Variants in SLC39A12 observed in about 807,000 individuals in gnomAD.
SLC39A12 encodes solute carrier family 39 member 12, also known as zinc transporter ZIP12.
A neutral mutation model predicts 71.1 loss-of-function variants in SLC39A12; 63 were observed. That is an observed-to-expected ratio of 0.89 (90% CI 0.72 to 1.09). The LOEUF (loss-of-function observed/expected upper bound fraction) is 1.09, where lower values mean the gene tolerates loss of function less well. Among genes scored for constraint, SLC39A12 ranks in the 50% least tolerant of loss-of-function variants. SLC39A12 has a pLI of 0.00. For missense variants in SLC39A12, 892 were observed against 812.6 expected (o/e 1.10, Z -1.19); for synonymous variants, 351 against 301.3 (o/e 1.16, Z -1.71).
chr10:18,040,769 C>CAAAAAAA (rs34842202), intron 12 of SLC39A12, among the ~76,000 whole-genome samples: 1 of 94,692 alleles, frequency 1.1e-5, no homozygotes, highest in African/African-American at 3.8e-5. Context: ...AACTCCATCT[C>CAAAAAAA]AAAAAAAAAA....
chr10:17,974,568 T>G (rs1163381740), intron 4 of SLC39A12, among the ~76,000 whole-genome samples: 1 of 152,222 alleles, frequency 6.6e-6, no homozygotes, highest in Non-Finnish European at 1.5e-5. Flanking sequence ...GGAGAATTCT[T>G]TGGATTACCA....
At chr10:18,029,651 T>TC (rs991253135) in intron 12 of SLC39A12, among the ~76,000 whole-genome samples, 3 of 152,124 alleles carry the variant, frequency 2.0e-5, no homozygotes, top group African/African-American at 4.8e-5. Context: ...GTTCATCATT[T>TC]CCCCTCCTCT....
At chr10:17,981,784 C>T (rs982859960) in intron 6 of SLC39A12, among the ~76,000 whole-genome samples, 3 of 152,148 alleles carry the variant, frequency 2.0e-5, no homozygotes, top group Admixed American at 6.5e-5. Context: ...ACGATACATA[C>T]TACTCTTCAA....
intron 4 of SLC39A12, among the ~76,000 whole-genome samples, chr10:17,967,612 G>C (rs1008360403): frequency 2.0e-5 from 3 of 151,918 alleles, no homozygotes; most frequent in Non-Finnish European, 4.4e-5. Flanking sequence ...GGCCGGGCGC[G>C]GTGGCTCACG....
rs1837160513 is a variant in SLC39A12 at position 18,039,548 on chromosome 10, C to G, written c.1948-3157C>G. Among the ~76,000 whole-genome samples, 3 of 152,174 alleles carry G rather than the reference C, an allele frequency of 2.0e-5. No homozygotes were observed. The South Asian group carries it at 6.2e-4, about 32-fold the overall frequency. On this transcript the variant is annotated intron_variant, in intron 12 of 12. Transcript: ENST00000377369. ...TTTGTGATCAGCCTAGGCAACATAGCAAGACCTCGTCTCTACTAAGAATTT... is the reference window on the plus strand; with the variant it reads ...TTTGTGATCAGCCTAGGCAACATAGGAAGACCTCGTCTCTACTAAGAATTT...
chr10:18,025,803 T>A (rs1359386921), intron 12 of SLC39A12, among the ~76,000 whole-genome samples: 1 of 152,212 alleles, frequency 6.6e-6, no homozygotes, highest in East Asian at 1.9e-4. Context: ...CCCTGAGGAA[T>A]CACCACACTG....
intron 4 of SLC39A12, among the ~76,000 whole-genome samples, chr10:17,966,384 C>T (rs1248600952): frequency 1.3e-5 from 2 of 152,090 alleles, no homozygotes; most frequent in African/African-American, 4.8e-5. Flanking sequence ...GACCGTAATT[C>T]ACTGTAACCT....
chr10:18,037,924 G>A (rs1406959683), intron 12 of SLC39A12, among the ~76,000 whole-genome samples: 1 of 148,762 alleles, frequency 6.7e-6, no homozygotes, highest in Non-Finnish European at 1.5e-5. Flanking sequence ...GGCGACTGAG[G>A]CAGGGGAATT....
At chr10:18,017,474 A>G (rs1272122269) in intron 12 of SLC39A12, among the ~76,000 whole-genome samples, 1 of 152,070 alleles carries the variant, frequency 6.6e-6, no homozygotes, top group Non-Finnish European at 1.5e-5. Context: ...ACGCCCGGCT[A>G]ATTTTTGTAT....
chr10:18,022,143 A>C (rs1202456715), intron 12 of SLC39A12, among the ~76,000 whole-genome samples: 3 of 152,022 alleles, frequency 2.0e-5, no homozygotes, highest in Non-Finnish European at 4.4e-5. Context: ...CTCTTCTCTG[A>C]ATTTTCTGAA....
At chr10:18,015,828 G>T (rs186090282) in intron 12 of SLC39A12, among the ~76,000 whole-genome samples, 80 of 151,678 alleles carry the variant, frequency 5.3e-4, no homozygotes, top group African/African-American at 1.9e-3. Context: ...GTCACATGTG[G>T]CTATTATGCC....
intron 6 of SLC39A12, among the ~76,000 whole-genome samples, chr10:17,982,728 G>A (rs1835292526): frequency 4.4e-5 from 2 of 45,956 alleles, no homozygotes; most frequent in African/African-American, 5.6e-5. Context: ...TCCCTGGGCA[G>A]TTTACATTCC....
chr10:18,039,990 G>T (rs1044562919), intron 12 of SLC39A12, among the ~76,000 whole-genome samples: 3 of 152,158 alleles, frequency 2.0e-5, no homozygotes, highest in Non-Finnish European at 4.4e-5. Context: ...AGGAAACGGG[G>T]AAAGTTTGTC....
At chr10:18,002,528 T>C (rs1370676289) in intron 11 of SLC39A12, 2 of 152,188 alleles carry the variant, frequency 1.3e-5, no homozygotes, top group Non-Finnish European at 2.9e-5. Flanking sequence ...GCAATGGAAC[T>C]AGAAAACTGG....
chr10:17,977,715 A>G (rs1425927266), intron 4 of SLC39A12, among the ~76,000 whole-genome samples, 187 bp from the exon 5 acceptor site: 1 of 152,202 alleles, frequency 6.6e-6, no homozygotes, highest in Non-Finnish European at 1.5e-5. Context: ...ATTTTTATAG[A>G]AAAAGAAAAT....
intron 6 of SLC39A12, among the ~76,000 whole-genome samples, chr10:17,986,206 C>T (rs542391385): frequency 6.2e-4 from 95 of 152,308 alleles, no homozygotes; most frequent in African/African-American, 2.3e-3. Context: ...GTTGTAGTTT[C>T]AAGTGAGAGA....
chr10:17,986,779 G>C (rs1348307736), intron 6 of SLC39A12, among the ~76,000 whole-genome samples: 1 of 152,204 alleles, frequency 6.6e-6, no homozygotes, highest in Non-Finnish European at 1.5e-5. Flanking sequence ...GGTGAAGCAG[G>C]AGGATTGCTT....
intron 12 of SLC39A12, among the ~76,000 whole-genome samples, chr10:18,006,543 G>A (rs1403467694): frequency 6.6e-6 from 1 of 152,208 alleles, no homozygotes. Context: ...CCAGGGAGCA[G>A]AAGTGAAGGA....
At chr10:17,987,427 C>T (rs766898949) in intron 6 of SLC39A12, 52 bp from the exon 7 acceptor site, 105 of 1,576,010 alleles carry the variant, frequency 6.7e-5, no homozygotes, top group Non-Finnish European at 8.2e-5. Flanking sequence ...CAGCTGAGGC[C>T]GGAATGGAGG....
Sources: allele counts gnomAD v4.1 joint callset (sites outside exome capture counted in the v4.1 genomes callset), GRCh38; gene constraint gnomAD v4.1.1; transcripts MANE v1.5; gene names NCBI Gene and HGNC (gene_info 2026-07-23, HGNC 2026-07-21).